Variants in DLG2 observed in about 807,000 individuals in gnomAD.
DLG2 encodes the protein disks large homolog 2.
DLG2 carries 45 observed loss-of-function variants against 132.5 expected under a neutral mutation model. That is an observed-to-expected ratio of 0.34 (90% CI 0.27 to 0.44). DLG2 has a LOEUF of 0.44. DLG2 is among the 20% of genes least tolerant of loss of function. The pLI is 1.00. For synonymous variants in DLG2, 424 were observed against 419.6 expected (o/e 1.01, Z -0.13); for missense variants, 1,045 against 1,196.9 (o/e 0.87, Z 1.87).
intron 4 of DLG2, among the ~76,000 whole-genome samples, chr11:85,182,395 T>C (rs2079774672): frequency 6.6e-6 from 1 of 151,950 alleles, no homozygotes; most frequent in Non-Finnish European, 1.5e-5. Context: ...ATAAGAATTA[T>C]ATTCTTTATT....
chr11:84,913,198 T>C (rs1175220607), intron 6 of DLG2, among the ~76,000 whole-genome samples: 1 of 152,192 alleles, frequency 6.6e-6, no homozygotes, highest in Non-Finnish European at 1.5e-5. Context: ...TTGGCTTCTG[T>C]TTAAAAGAAT....
intron 3 of DLG2, among the ~76,000 whole-genome samples, chr11:85,589,138 T>A (rs1196800454): frequency 6.6e-6 from 1 of 152,204 alleles, no homozygotes; most frequent in East Asian, 1.9e-4. Context: ...GCTGGCTTTC[T>A]CAAATGCTGG....
chr11:84,319,688 C>T (rs1047392014), intron 7 of DLG2, among the ~76,000 whole-genome samples: 5 of 152,096 alleles, frequency 3.3e-5, no homozygotes, highest in East Asian at 3.9e-4. Context: ...GTTCAGAATG[C>T]GCAATTTCTT....
intron 3 of DLG2, among the ~76,000 whole-genome samples, chr11:85,492,889 T>C (rs559723035): frequency 6.6e-6 from 1 of 152,104 alleles, no homozygotes; most frequent in African/African-American, 2.4e-5. Context: ...AAAAAATAAG[T>C]TGCCTTTACA....
intron 16 of DLG2, among the ~76,000 whole-genome samples, chr11:83,849,271 A>G (rs1349641697): frequency 6.7e-6 from 1 of 149,588 alleles, no homozygotes; most frequent in Non-Finnish European, 1.5e-5. Context: ...AAATTCCTGG[A>G]CCATATTAAT....
rs552239761 is a variant in DLG2, at chr11:84,492,646, G to A, written c.519+41924C>T. Among the ~76,000 whole-genome samples, 18 of 152,200 alleles carry A rather than the reference G, an allele frequency of 1.2e-4. No individual in the cohort carries two copies. The South Asian group carries it at 2.3e-3, about 19-fold the overall frequency. ...GAGTAGAATAATGAATGTAAAATGC[G>A]TAGTGCAACACCTAGCATATTTAGT... On this transcript the variant is annotated intron_variant, in intron 7 of 27. Coordinates refer to ENST00000376104, the MANE Select transcript of DLG2 (RefSeq NM_001142699.3).
At chr11:83,559,079 A>C (rs970313349) in intron 19 of DLG2, among the ~76,000 whole-genome samples, 1 of 152,188 alleles carries the variant, frequency 6.6e-6, no homozygotes. Flanking sequence ...TTCATGGAAT[A>C]GGTAGTATTT....
intron 6 of DLG2, among the ~76,000 whole-genome samples, chr11:85,063,038 A>G (rs2064345854): frequency 6.6e-6 from 1 of 151,816 alleles, no homozygotes; most frequent in Non-Finnish European, 1.5e-5. Flanking sequence ...AGACGGTGAT[A>G]ACTTAACAAA....
intron 6 of DLG2, among the ~76,000 whole-genome samples, chr11:84,807,823 T>A (rs1485275670): frequency 6.6e-6 from 1 of 152,200 alleles, no homozygotes; most frequent in Non-Finnish European, 1.5e-5. Flanking sequence ...TACATGTATG[T>A]ACAAATAAGA....
chr11:84,481,952 T>A, intron 7 of DLG2, among the ~76,000 whole-genome samples: 1 of 152,204 alleles, frequency 6.6e-6, no homozygotes, highest in East Asian at 1.9e-4. Context: ...TTTATGTGCA[T>A]ATTCAGCAGT....
intron 9 of DLG2, among the ~76,000 whole-genome samples, chr11:84,125,307 CAA>C (rs1248561094): frequency 6.6e-6 from 1 of 152,136 alleles, no homozygotes; most frequent in African/African-American, 2.4e-5. Flanking sequence ...CTCACACACA[CAA>C]GTTTTTGGTT....
chr11:84,174,014 C>CTTTTTTTTTTTTTTTT (rs11338428), intron 8 of DLG2, among the ~76,000 whole-genome samples: 886 of 61,204 alleles, frequency 0.014, 184 homozygotes, highest in African/African-American at 0.022. Flanking sequence ...ACCCCCCGGC[C>CTTTTTTTTTTTTTTTT]TTTTTTTTTT....
intron 10 of DLG2, among the ~76,000 whole-genome samples, chr11:84,096,028 T>C (rs1486364924): frequency 6.6e-6 from 1 of 152,212 alleles, no homozygotes; most frequent in Admixed American, 6.5e-5. Context: ...CCTCTTAACA[T>C]TGTGAAAGCT....
chr11:85,291,401 T>A (rs1374573104), intron 3 of DLG2, among the ~76,000 whole-genome samples: 2 of 152,102 alleles, frequency 1.3e-5, no homozygotes, highest in East Asian at 3.9e-4. Context: ...CATCCCAGCC[T>A]TCATGTTACC....
chr11:84,002,648 C>T (rs1195139743), intron 11 of DLG2, among the ~76,000 whole-genome samples: 1 of 152,054 alleles, frequency 6.6e-6, no homozygotes, highest in African/African-American at 2.4e-5. Context: ...GCACCAAGTC[C>T]AGAGATTTCA....
intron 6 of DLG2, among the ~76,000 whole-genome samples, chr11:84,717,627 A>G (rs913406411): frequency 6.6e-6 from 1 of 152,088 alleles, no homozygotes; most frequent in African/African-American, 2.4e-5. Context: ...CATAAACAGC[A>G]TAGAGCAAAG....
chr11:84,538,018 C>T (rs1210425284), intron 6 of DLG2, among the ~76,000 whole-genome samples: 3 of 152,170 alleles, frequency 2.0e-5, no homozygotes, highest in African/African-American at 7.2e-5. Context: ...TCATTCATTT[C>T]AGTATATGCT....
intron 6 of DLG2, among the ~76,000 whole-genome samples, chr11:84,976,083 C>A (rs892901420): frequency 1.3e-5 from 2 of 152,160 alleles, no homozygotes; most frequent in Admixed American, 6.6e-5. Context: ...CTTTCTCTAT[C>A]CTCCCTCCTT....
At chr11:84,350,449 G>GT (rs1331333758) in intron 7 of DLG2, among the ~76,000 whole-genome samples, 1 of 152,132 alleles carries the variant, frequency 6.6e-6, no homozygotes, top group Non-Finnish European at 1.5e-5. Context: ...CCACATCTAT[G>GT]TAAGAGAATA....
Sources: gnomAD v4.1 joint callset for allele counts (sites outside exome capture counted in the v4.1 genomes callset) on GRCh38, gnomAD v4.1.1 for gene constraint, MANE v1.5 for transcripts, NCBI Gene and HGNC (gene_info 2026-07-23, HGNC 2026-07-21) for gene names.